NLRP1: variants seen among roughly 807,000 people sequenced by gnomAD.
NLRP1 encodes the protein NACHT, LRR and PYD domains-containing protein 1.
NLRP1 carries 94 observed loss-of-function variants against 136.7 expected under a neutral mutation model. That is an observed-to-expected ratio of 0.69 (90% CI 0.58 to 0.82). The LOEUF (loss-of-function observed/expected upper bound fraction) is 0.82, where lower values mean the gene tolerates loss of function less well. Ranked by LOEUF, NLRP1 falls within the 40% of genes least tolerant of loss-of-function variation. The pLI is 0.00. For missense variants in NLRP1, 1,575 were observed against 1,802.7 expected, an observed-to-expected ratio of 0.87 and a Z score of 2.29; for synonymous variants, 690 against 725.1, an observed-to-expected ratio of 0.95 and a Z score of 0.78.
At position 5,583,709 on chromosome 17, in the gene NLRP1, G is replaced by T; in HGVS notation, c.249C>A (p.Cys83Ter). The T allele has an allele frequency of 6.4e-7, 1 of 1,554,142 alleles. No homozygotes were observed. The highest frequency in any genetic ancestry group is 8.7e-7 in the Non-Finnish European group (1 of 1,149,186). ...CACCTGCCCCTTCCTGGGCTTGGGC[G>T]CACAGTGACCTCAGCCCCATCTGCT... Reference protein sequence around the residue: ...TWEQMGLRSLCAQAQEGAGHS... With the variant: ...TWEQMGLRSL Residue 83 changes from cysteine (C) to a stop codon, truncating the protein, a stop_gained, in exon 1 of 17, where the codon TGC (cysteine) becomes TGA (stop). Transcript: ENST00000572272. LOFTEE classifies it high-confidence loss of function. This position sits in a 1 kb window ranked among gnomAD's most constrained non-coding sequence, Gnocchi z 4.5.
chr17:5,563,155 C>T (rs1311773659), intron 3 of NLRP1, among the ~76,000 whole-genome samples: 5 of 152,214 alleles, frequency 3.3e-5, no homozygotes, highest in African/African-American at 9.6e-5. Context: ...ATTAAAGGAA[C>T]ATCAGCCCAC....
At chr17:5,544,147 T>C (rs2151779437) in intron 5 of NLRP1, among the ~76,000 whole-genome samples, 1 of 152,318 alleles carries the variant, frequency 6.6e-6, no homozygotes, top group African/African-American at 2.4e-5. Flanking sequence ...TTCTTGGTCA[T>C]CCTGCATTTG....
chr17:5,531,216 C>A (rs926875241), intron 11 of NLRP1, among the ~76,000 whole-genome samples: 3 of 147,098 alleles, frequency 2.0e-5, no homozygotes, highest in Admixed American at 2.0e-4. Context: ...ATCTATCTAT[C>A]TATCTATCTA....
chr17:5,515,555 T>C, intron 15 of NLRP1, 38 bp from the exon 16 acceptor site: 1 of 1,526,552 alleles, frequency 6.6e-7, no homozygotes, highest in African/African-American at 1.4e-5. Flanking sequence ...TCTGAAACAG[T>C]GCTAAGTTAT....
chr17:5,519,034 G>C (rs1427778609), intron 14 of NLRP1, among the ~76,000 whole-genome samples: 5 of 146,478 alleles, frequency 3.4e-5, no homozygotes, highest in Non-Finnish European at 7.5e-5. Flanking sequence ...ACGGAGTCTC[G>C]CTCTGTCGCC....
intron 8 of NLRP1, among the ~76,000 whole-genome samples, chr17:5,536,269 C>T (rs919087965): frequency 6.6e-5 from 10 of 151,964 alleles, no homozygotes; most frequent in Admixed American, 2.0e-4. Flanking sequence ...CTGCCTCAGA[C>T]TCCCAAGTAG....
rs1907832570 is a variant in NLRP1 at position 5,514,406 on chromosome 17, G to C, written c.*348C>G. ...TGGGGCTCACCCTGTGACACAGCCA[G>C]AGGCAAATGGTTCCATGTCCCTCCT... On this transcript the variant is annotated 3_prime_UTR_variant, in exon 17 of 17. Transcript: ENST00000572272. The C allele has an allele frequency of 8.9e-7, 1 of 1,126,650 alleles. No individual in the cohort carries two copies. Among genetic ancestry groups the C allele is most frequent in the Non-Finnish European group, 1.1e-6 (1 of 914,158 alleles). 69.8% of individuals were successfully genotyped at this position (1,126,650 alleles called of 1,614,324 possible). A position where few individuals can be genotyped will look rare whatever the true frequency, so the allele number is the denominator to read the frequency against.
intron 2 of NLRP1, 52 bp from the exon 3 acceptor site, chr17:5,582,114 T>C (rs753127591): frequency 7.9e-6 from 11 of 1,396,944 alleles, no homozygotes; most frequent in Non-Finnish European, 1.1e-5. Flanking sequence ...TATTTTCTTT[T>C]AGGTGCATAT....
rs192742587 is a variant in NLRP1, at chr17:5,558,327, T to A, written c.2357+12A>T. 4.7e-3 allele frequency: 7,426 copies of A among 1,581,904 alleles called. 47 individuals carry two copies. The highest frequency in any genetic ancestry group is 4.5e-3 in the Non-Finnish European group (5,218 of 1,163,770). On this transcript the variant is annotated intron_variant, in intron 4 of 16. Transcript: ENST00000572272. Reference sequence around the variant, plus strand: ...CAGAGGAGCTGCAGACATGGGTGGTTTGGGTACTCACAGGACTACCATGGT... The same window carrying A: ...CAGAGGAGCTGCAGACATGGGTGGTATGGGTACTCACAGGACTACCATGGT...
intron 5 of NLRP1, among the ~76,000 whole-genome samples, chr17:5,543,897 G>A (rs1912198119): frequency 1.3e-5 from 2 of 152,150 alleles, no homozygotes; most frequent in Non-Finnish European, 2.9e-5. Context: ...AGTTTCATTG[G>A]TGTACAACCA....
At chr17:5,502,389 A>C in intron 15 of NLRP1, 1 of 162,374 alleles carries the variant, frequency 6.2e-6, no homozygotes, top group Non-Finnish European at 1.3e-5. Flanking sequence ...TCCCAGGTTC[A>C]AGCGATTCTC....
At chr17:5,535,381 C>T (rs1431137143) in intron 8 of NLRP1, among the ~76,000 whole-genome samples, 4 of 152,206 alleles carry the variant, frequency 2.6e-5, no homozygotes, top group Non-Finnish European at 5.9e-5. Context: ...CTCCTGACGC[C>T]TGGCCTCCCA....
At chr17:5,523,831 T>C (rs993392197) in intron 12 of NLRP1, among the ~76,000 whole-genome samples, 5 of 152,214 alleles carry the variant, frequency 3.3e-5, no homozygotes, top group Admixed American at 3.3e-4. Flanking sequence ...TTTAACTGCG[T>C]TTTTGGGATG....
intron 5 of NLRP1, among the ~76,000 whole-genome samples, chr17:5,542,652 G>T (rs1244861748): frequency 6.6e-6 from 1 of 151,860 alleles, no homozygotes; most frequent in Non-Finnish European, 1.5e-5. Flanking sequence ...TTACTTATTT[G>T]GCTTCTTGTC....
intron 11 of NLRP1, 105 bp from the exon 12 acceptor site, chr17:5,530,809 A>G (rs1013907724): frequency 1.9e-5 from 15 of 800,248 alleles, no homozygotes; most frequent in East Asian, 1.8e-4. Context: ...CAGTGGCTTC[A>G]AGCCCAGACT....
rs556656416 is a variant in NLRP1 at position 5,570,424 on chromosome 17, G to A, written c.653-10381C>T. 1.5e-4 allele frequency among the ~76,000 whole-genome samples: 23 copies of A among 151,592 alleles called. No individual in the cohort carries two copies. In the South Asian group the frequency reaches 4.6e-3, roughly 30 times the overall value. On this transcript the variant is annotated intron_variant, in intron 3 of 16. Transcript: ENST00000572272. ...AATAAACACAACCAGAAATGACAAA[G>A]AGGACATTACCATTGACCCCGTGGA...
In NLRP1 at chr17:5,581,848, T is replaced by C; in HGVS notation, c.652+11A>G. 1.9e-6 allele frequency: 3 copies of C among 1,608,114 alleles called. No homozygotes were observed. Among genetic ancestry groups the C allele is most frequent in the Non-Finnish European group, 2.6e-6 (3 of 1,176,286 alleles). ...CCTCACCACCCCGCCAGGAGCTCAG[T>C]AGGGTCTCACCTGTGTAGTAAATTC... On this transcript the variant is annotated intron_variant, in intron 3 of 16. Coordinates refer to ENST00000572272, the MANE Select transcript of NLRP1 (RefSeq NM_033004.4).
At chr17:5,582,123 A>G (rs1387405796) in intron 2 of NLRP1, 61 bp from the exon 3 acceptor site, 5 of 1,366,224 alleles carry the variant, frequency 3.7e-6, no homozygotes, top group Admixed American at 4.0e-5. Context: ...TTAGGTGCAT[A>G]TATTTTAAAC....
At chr17:5,543,728 G>A (rs1912172248) in intron 5 of NLRP1, among the ~76,000 whole-genome samples, 1 of 152,052 alleles carries the variant, frequency 6.6e-6, no homozygotes, top group African/African-American at 2.4e-5. Flanking sequence ...AGGAGGCAAG[G>A]GGTCTGTGGG....
Sources: allele counts gnomAD v4.1 joint callset (sites outside exome capture counted in the v4.1 genomes callset), GRCh38; gene constraint gnomAD v4.1.1; non-coding constraint Gnocchi (gnomAD v3.1); transcripts MANE v1.5; gene names NCBI Gene and HGNC (gene_info 2026-07-23, HGNC 2026-07-21).